Variants in SEPTIN12 observed in about 807,000 individuals in gnomAD.
SEPTIN12 encodes septin 12, also known as septin-12.
In SEPTIN12, 42 loss-of-function variants were observed where a neutral mutation model predicts 37.7. The ratio of observed to expected loss-of-function variants is 1.11; its 90% CI spans 0.87 to 1.44. The LOEUF (loss-of-function observed/expected upper bound fraction) is 1.44. SEPTIN12 is among the 40% of genes most tolerant of loss of function. The pLI, the probability that SEPTIN12 is intolerant of heterozygous loss-of-function variation, is 0.00. For synonymous variants in SEPTIN12, 254 were observed against 196.7 expected, an observed-to-expected ratio of 1.29 and a Z score of -2.44; for missense variants, 613 against 479.2, an observed-to-expected ratio of 1.28 and a Z score of -2.61.
chr16:4,778,461 A>T (rs1001089016), intron 8 of SEPTIN12, among the ~76,000 whole-genome samples: 1 of 152,186 alleles, frequency 6.6e-6, no homozygotes, highest in African/African-American at 2.4e-5. Context: ...GGGTCCTGGA[A>T]CCACCCTCTG....
At chr16:4,786,736 C>G (rs2082456922) in intron 2 of SEPTIN12, among the ~76,000 whole-genome samples, 1 of 151,880 alleles carries the variant, frequency 6.6e-6, no homozygotes, top group African/African-American at 2.4e-5. Flanking sequence ...CAACCTCCAC[C>G]CTCAGGTTCA....
Position 4,779,767 on chromosome 16 carries a change from A to G in SEPTIN12, c.746T>C (p.Val249Ala), listed in dbSNP as rs1596250645. The change falls in exon 8 of 10, where the codon GTG becomes GCG. Residue 249 changes from valine (V) to alanine (A), a missense_variant. Coordinates refer to ENST00000268231, the MANE Select transcript of SEPTIN12 (RefSeq NM_144605.5). ...CAGGTGCTCTTGGTCAGCCCCTACC[A>G]CGGCAAAAGGGATTCGGTCCTGGGA... is the stretch of plus-strand genomic sequence containing the variant. ...SKLRDRIPFA[V>A]VGADQEHLVN... 6.2e-7 allele frequency: 1 copy of G among 1,612,430 alleles called. No homozygotes were observed.
Position 4,777,983 on chromosome 16 carries a change from G to C in SEPTIN12, c.891C>G (p.Asp297Glu), listed in dbSNP as rs1209247878. Residue 297 changes from aspartate to glutamate, a missense_variant, in exon 10 of 10, where the codon GAC becomes GAG. Transcript: ENST00000268231. ...GGATGTTGTGGGTTATGTCCTTCAG[G>C]TCTTGGAGGTGGGAGCTGGGGGACC... is the stretch of plus-strand genomic sequence containing the variant. ...RDLLIRSHLQ[D>E]LKDITHNIHY... 3 of 1,611,922 alleles carry C rather than the reference G, an allele frequency of 1.9e-6. No individual in the cohort carries two copies. The highest frequency in any genetic ancestry group is 2.5e-6 in the Non-Finnish European group (3 of 1,179,116).
Position 4,785,989 on chromosome 16 carries a change from G to T in SEPTIN12, c.283C>A (p.Leu95Met), listed in dbSNP as rs749217121. 30 of 1,613,106 alleles carry T rather than the reference G, an allele frequency of 1.9e-5. No individual in the cohort carries two copies. The highest frequency in any genetic ancestry group is 4.2e-6 in the Non-Finnish European group (5 of 1,179,490). The change falls in exon 3 of 10, where the codon CTG becomes ATG. Residue 95 changes from leucine to methionine, a missense_variant. Leu to Met is a conservative substitution (Grantham distance 15). Transcript: ENST00000268231. ...PTPQTLQLHS[L>M]THVIEEKGVK... is the part of the protein sequence containing the mutation. Reference sequence around the variant, plus strand: ...GCAGGGGCTCACTCACCATGGGTCAGTGAATGCAGCTGCAGCGTCTGGGGT... The same window carrying T: ...GCAGGGGCTCACTCACCATGGGTCATTGAATGCAGCTGCAGCGTCTGGGGT...
At position 4,779,795 on chromosome 16, in the gene SEPTIN12, G is replaced by A. The variant is rs2082353442; in HGVS notation, c.727-9C>T. ...GCAAAAGGGATTCGGTCCTGGGAAA[G>A]GAGAAGACACAGAGATGGGAGGATT... On this transcript the variant is annotated splice_polypyrimidine_tract_variant and intron_variant, in intron 7 of 9. Transcript: ENST00000268231. 6.3e-7 allele frequency: 1 copy of A among 1,593,300 alleles called. No homozygotes were observed. Among genetic ancestry groups the A allele is most frequent in the Non-Finnish European group, 8.6e-7 (1 of 1,161,120 alleles).
chr16:4,785,692 C>G (rs897983017), intron 4 of SEPTIN12, 115 bp downstream of exon 4: 3 of 731,244 alleles, frequency 4.1e-6, no homozygotes, highest in Non-Finnish European at 7.0e-6. Context: ...GCAGGAGAAT[C>G]ACTTGAACCT....
chr16:4,791,249 A>G (rs531438012), upstream of SEPTIN12, among the ~76,000 whole-genome samples: 1 of 152,320 alleles, frequency 6.6e-6, no homozygotes, highest in African/African-American at 2.4e-5. Flanking sequence ...TGCAGAAAGC[A>G]TGCTGTCATC....
chr16:4,788,610 G>T (rs1172315751), upstream of SEPTIN12: 1 of 152,204 alleles, frequency 6.6e-6, no homozygotes, highest in Admixed American at 6.5e-5. Context: ...CAGCTGGCTA[G>T]CGGGATATCC....
Position 4,783,565 on chromosome 16 carries a change from T to A in SEPTIN12, c.631-8A>T. On this transcript the variant is annotated splice_polypyrimidine_tract_variant and splice_region_variant and intron_variant, in intron 6 of 9. Transcript: ENST00000268231. ...CCTCAGGTTCTGCTGGATCTGGAGA[T>A]CCCACACAGGTGACCTCAGCCCACC... 1 of 1,613,748 alleles carries A rather than the reference T, an allele frequency of 6.2e-7. No individual in the cohort carries two copies. Among genetic ancestry groups the A allele is most frequent in the Non-Finnish European group, 8.5e-7 (1 of 1,179,714 alleles).
chr16:4,789,163 G>A, upstream of SEPTIN12, among the ~76,000 whole-genome samples: 1 of 151,648 alleles, frequency 6.6e-6, no homozygotes, highest in Non-Finnish European at 1.5e-5. Context: ...GATTACCGGT[G>A]TGCACCACCA....
chr16:4,778,323 C>T (rs1392704353), intron 8 of SEPTIN12, among the ~76,000 whole-genome samples, 186 bp from the exon 9 acceptor site: 1 of 152,226 alleles, frequency 6.6e-6, no homozygotes, highest in Non-Finnish European at 1.5e-5. Context: ...CTGGTACAGG[C>T]GGCTCCTACA....
intron 4 of SEPTIN12, 29 bp downstream of exon 4, chr16:4,785,777 TA>T (rs368610870): frequency 0.09 from 99,260 of 1,107,300 alleles, no homozygotes; most frequent in Non-Finnish European, 0.097. Flanking sequence ...AAACTCTGCC[TA>T]AAAAAAAAAA....
rs1272182303 is a variant in SEPTIN12 at position 4,777,969 on chromosome 16, G to GTTATGTCC, written c.897_904dup (p.Thr302ArgfsTer3). 6 of 1,611,390 alleles carry GTTATGTCC rather than the reference G, an allele frequency of 3.7e-6. No individual in the cohort carries two copies. The highest frequency in any genetic ancestry group is 4.2e-6 in the Non-Finnish European group (5 of 1,178,982). On this transcript the variant is annotated stop_gained and frameshift_variant, in exon 10 of 10. Coordinates refer to ENST00000268231, the MANE Select transcript of SEPTIN12 (RefSeq NM_144605.5). LOFTEE classifies it low-confidence loss of function (END_TRUNC). Reference sequence around the variant, plus strand: ...GTAGTTCTCATAGTGGATGTTGTGGGTTATGTCCTTCAGGTCTTGGAGGTG... The same window carrying GTTATGTCC: ...GTAGTTCTCATAGTGGATGTTGTGGGTTATGTCCTTATGTCCTTCAGGTCTTGGAGGTG...
In SEPTIN12 at chr16:4,785,831, C is replaced by G. The variant is rs753232872; in HGVS notation, c.350G>C (p.Gly117Ala). Reference protein sequence around the residue: ...KLTVTDTPGFGDQINNDNCWD... With the variant: ...KLTVTDTPGFADQINNDNCWD... Reference sequence around the variant, plus strand: ...CCAGTTGTCATTGTTGATCTGGTCCCCGAAGCCGGGCGTGTCCGTCACCGT... The same window carrying G: ...CCAGTTGTCATTGTTGATCTGGTCCGCGAAGCCGGGCGTGTCCGTCACCGT... The change falls in exon 4 of 10, where the codon GGG becomes GCG. Residue 117 changes from glycine to alanine, a missense_variant. Gly to Ala is a moderately conservative substitution (Grantham distance 60). Transcript: ENST00000268231. 11 of 1,613,708 alleles carry G rather than the reference C, an allele frequency of 6.8e-6. No individual in the cohort carries two copies. The highest frequency in any genetic ancestry group is 1.7e-5 in the Admixed American group (1 of 59,966).
At chr16:4,787,386 G>T in intron 2 of SEPTIN12, 94 bp downstream of exon 2, 1 of 1,112,902 alleles carries the variant, frequency 9.0e-7, no homozygotes, top group Non-Finnish European at 1.4e-6. Flanking sequence ...CTAAGAGATG[G>T]GGAGGGGCGA....
chr16:4,781,943 C>CTTTT lies in SEPTIN12; in HGVS notation c.726+1515_726+1518dup, dbSNP rs571415645. Among the ~76,000 whole-genome samples, 248 of 47,438 alleles carry CTTTT rather than the reference C, an allele frequency of 5.2e-3. 52 individuals are homozygous for CTTTT. The highest frequency in any genetic ancestry group is 0.024 in the African/African-American group (226 of 9,430). 31.1% of individuals were successfully genotyped at this position (47,438 alleles called of 152,430 possible). A position where few individuals can be genotyped will look rare whatever the true frequency, so the allele number is the denominator to read the frequency against. ...ACAGGTGTGAGCCACCGTGCCCGGC[C>CTTTT]TTTTTTTTTTTTTTTTTTTTTTTTT... On this transcript the variant is annotated intron_variant, in intron 7 of 9. Coordinates refer to ENST00000268231, the MANE Select transcript of SEPTIN12 (RefSeq NM_144605.5).
At position 4,784,074 on chromosome 16, in the gene SEPTIN12, G is replaced by A. The variant is rs769242455; in HGVS notation, c.375-6C>T. 1 of 1,613,964 alleles carries A rather than the reference G, an allele frequency of 6.2e-7. No homozygotes were observed. ...AGCCCAGGATGGGGTCCCAGCTGAG[G>A]CGGGAGGTGGACCCTCCCCTCAGAA... On this transcript the variant is annotated splice_polypyrimidine_tract_variant and splice_region_variant and intron_variant, in intron 4 of 9. Transcript: ENST00000268231.
At chr16:4,789,941 G>A (rs1380260279), upstream of SEPTIN12, 1 of 146,734 alleles carries the variant, frequency 6.8e-6, no homozygotes, top group Non-Finnish European at 1.5e-5. Flanking sequence ...TTGGGACAGG[G>A]TCTCACTTTG....
At chr16:4,784,595 C>CGCCAACTCTACAAAAAATACACGGAAAT (rs1567567191) in intron 4 of SEPTIN12, among the ~76,000 whole-genome samples, 7 of 151,282 alleles carry the variant, frequency 4.6e-5, no homozygotes, top group Non-Finnish European at 1.0e-4. Context: ...CATGGGGAAA[C>CGCCAACTCTACAAAAAATACACGGAAAT]GCCAACTCTA....
Sources: allele counts gnomAD v4.1 joint callset (sites outside exome capture counted in the v4.1 genomes callset), GRCh38; gene constraint gnomAD v4.1.1; transcripts MANE v1.5; gene names NCBI Gene and HGNC (gene_info 2026-07-23, HGNC 2026-07-21).